The following KCNH2 variants were observed in gnomAD, a reference collection of about 807,000 sequenced individuals.
KCNH2 encodes the protein voltage-gated inwardly rectifying potassium channel KCNH2.
In KCNH2, 35 loss-of-function variants were observed where a neutral mutation model predicts 95.9. The ratio of observed to expected loss-of-function variants is 0.37; its 90% CI spans 0.28 to 0.48. The LOEUF is 0.48. Ranked by LOEUF, KCNH2 falls within the 20% of genes least tolerant of loss-of-function variation. The pLI, the probability that KCNH2 is intolerant of heterozygous loss-of-function variation, is 0.99. For synonymous variants in KCNH2, 786 were observed against 754.7 expected, an observed-to-expected ratio of 1.04 and a Z score of -0.68; for missense variants, 1,274 against 1,702.9, an observed-to-expected ratio of 0.75 and a Z score of 4.43.
At position 150,946,861 on chromosome 7, in the gene KCNH2, C is replaced by A; in HGVS notation, c.3330+16G>T. 6.3e-7 allele frequency: 1 copy of A among 1,592,834 alleles called. No individual in the cohort carries two copies. The highest frequency in any genetic ancestry group is 8.6e-7 in the Non-Finnish European group (1 of 1,166,300). On this transcript the variant is annotated intron_variant, in intron 14 of 14. Transcript: ENST00000262186. This position sits in a 1 kb window ranked among gnomAD's most constrained non-coding sequence, Gnocchi z 6.5. ...AGCGGGTCACGGTACATCGAGGAAG[C>A]AGGGCTGGAGCTTACCTGAGAAAGC...
intron 11 of KCNH2, 52 bp downstream of exon 11, chr7:150,948,392 C>A: frequency 7.0e-7 from 1 of 1,435,450 alleles, no homozygotes; most frequent in South Asian, 1.2e-5. Context: ...CCTTCCAGCT[C>A]CCAGCCTCAC....
chr7:150,951,875 A>C, intron 6 of KCNH2, 40 bp from the exon 7 acceptor site: 7 of 1,504,710 alleles, frequency 4.7e-6, no homozygotes, highest in Non-Finnish European at 6.3e-6. Context: ...TGATGGGGCA[A>C]GGGGGGCAAG....
At chr7:150,948,039 G>A (rs41313077) in intron 11 of KCNH2, among the ~76,000 whole-genome samples, 161 bp from the exon 12 acceptor site, 2 of 152,180 alleles carry the variant, frequency 1.3e-5, no homozygotes, top group African/African-American at 2.4e-5. Flanking sequence ...CTGTCAAGCC[G>A]ACCAAGAACT....
chr7:150,972,677 G>A (rs1302065660), intron 2 of KCNH2, among the ~76,000 whole-genome samples: 2 of 152,202 alleles, frequency 1.3e-5, no homozygotes, highest in Non-Finnish European at 2.9e-5. Context: ...CTGGAGAGGG[G>A]ACAAGTTTGA....
chr7:150,947,862 C>G lies in KCNH2; in HGVS notation c.2709G>C (p.Gly903=). Residue 903 remains glycine (G), a synonymous_variant, in exon 12 of 15, where the codon GGG becomes GGC. Transcript: ENST00000262186. ...GGCCCGGCCCCAAGGCCGACACCTCCCCTGGCTGCTCCGTGTCTGTGGGAA... is the reference window on the plus strand; with the variant it reads ...GGCCCGGCCCCAAGGCCGACACCTCGCCTGGCTGCTCCGTGTCTGTGGGAA... ...RRTDKDTEQP[G]EVSALGPGRA... 1.3e-6 allele frequency: 2 copies of G among 1,530,094 alleles called. No homozygotes were observed. The highest frequency in any genetic ancestry group is 1.7e-6 in the Non-Finnish European group (2 of 1,144,442). The allele number at this position is 1,530,094 out of a possible 1,614,324, so 94.8% of individuals were successfully genotyped here.
At chr7:150,965,192 C>A (rs1372058450) in intron 2 of KCNH2, among the ~76,000 whole-genome samples, 1 of 152,070 alleles carries the variant, frequency 6.6e-6, no homozygotes, top group Non-Finnish European at 1.5e-5. Flanking sequence ...GCAGCATCTC[C>A]AGACAGACTC....
chr7:150,958,838 A>G lies in KCNH2; in HGVS notation c.473-336T>C, dbSNP rs114808986. Among the ~76,000 whole-genome samples the G allele has an allele frequency of 2.0e-3, 309 of 152,346 alleles. 2 individuals carry two copies. The highest frequency in any genetic ancestry group is 7.1e-3 in the African/African-American group (297 of 41,588). Reference sequence around the variant, plus strand: ...GTCACTCTCTGGAGGTCACACAGCCAGTGCGTGGGGCCTGCGCCTAAGTGG... The same window carrying G: ...GTCACTCTCTGGAGGTCACACAGCCGGTGCGTGGGGCCTGCGCCTAAGTGG... On this transcript the variant is annotated intron_variant, in intron 3 of 14. Transcript: ENST00000262186.
chr7:150,948,816 A>C, intron 10 of KCNH2, 40 bp downstream of exon 10: 1 of 1,580,252 alleles, frequency 6.3e-7, no homozygotes, highest in Non-Finnish European at 8.7e-7. Flanking sequence ...ACACAGCTGG[A>C]AGCAGGAGGA....
Position 150,957,512 on chromosome 7 carries a change from GAGGC to G in KCNH2, c.917-14_917-11del. Reference sequence around the variant, plus strand: ...AGTGGGTGCATGGCCCCTAGGTGGAGAGGCAGCGTGGTCAGGCCAGCAGCCCAGG... The same window carrying G: ...AGTGGGTGCATGGCCCCTAGGTGGAGAGCGTGGTCAGGCCAGCAGCCCAGG... On this transcript the variant is annotated splice_polypyrimidine_tract_variant and intron_variant, in intron 4 of 14. Coordinates refer to ENST00000262186, the MANE Select transcript of KCNH2 (RefSeq NM_000238.4). 6.3e-7 allele frequency: 1 copy of G among 1,592,584 alleles called. No homozygotes were observed. Among genetic ancestry groups the G allele is most frequent in the Non-Finnish European group, 8.5e-7 (1 of 1,173,972 alleles).
rs777629363 is a variant in KCNH2, at chr7:150,961,875, C to T, written c.308-2139G>A. On this transcript the variant is annotated intron_variant, in intron 2 of 14. Coordinates refer to ENST00000262186, the MANE Select transcript of KCNH2 (RefSeq NM_000238.4). The surrounding 1 kb of genome is among the most constrained non-coding windows in gnomAD (Gnocchi z 6.2). Reference sequence around the variant, plus strand: ...CTGGCCAGGCTCGGGGATTCTAACCCGCTGGGGATTCATCTAGGGGAACGA... The same window carrying T: ...CTGGCCAGGCTCGGGGATTCTAACCTGCTGGGGATTCATCTAGGGGAACGA... 1.1e-4 allele frequency among the ~76,000 whole-genome samples: 16 copies of T among 152,296 alleles called. No individual in the cohort carries two copies. The highest frequency in any genetic ancestry group is 1.5e-4 in the Non-Finnish European group (10 of 68,018).
chr7:150,958,988 G>A (rs1202031940), intron 3 of KCNH2, among the ~76,000 whole-genome samples: 2 of 152,248 alleles, frequency 1.3e-5, no homozygotes, highest in African/African-American at 4.8e-5. Flanking sequence ...TCATGATGCT[G>A]AGGGAAAGAT....
At chr7:150,959,476 C>A (rs1801491376) in intron 3 of KCNH2, 96 bp downstream of exon 3, 1 of 1,445,410 alleles carries the variant, frequency 6.9e-7, no homozygotes, top group Non-Finnish European at 9.5e-7. Flanking sequence ...ACCATTACAT[C>A]CTCCCTTCCT....
In KCNH2 at chr7:150,961,736, C is replaced by T. The variant is rs1801572163; in HGVS notation, c.308-2000G>A. 2.0e-5 allele frequency among the ~76,000 whole-genome samples: 3 copies of T among 152,170 alleles called. No individual in the cohort carries two copies. Among genetic ancestry groups the T allele is most frequent in the Admixed American group, 1.3e-4 (2 of 15,276 alleles). On this transcript the variant is annotated intron_variant, in intron 2 of 14. Transcript: ENST00000262186. The surrounding 1 kb of genome is among the most constrained non-coding windows in gnomAD (Gnocchi z 6.2). Reference sequence around the variant, plus strand: ...ACAGACACCGGCAACCTGGAGGCGACGCCACCCCTGGGACTTGGAGCTGGT... The same window carrying T: ...ACAGACACCGGCAACCTGGAGGCGATGCCACCCCTGGGACTTGGAGCTGGT...
Position 150,952,681 on chromosome 7 carries a change from T to C in KCNH2, c.1301A>G (p.Lys434Arg). The change falls in exon 6 of 15, where the codon AAG becomes AGG. Residue 434 changes from lysine (K) to arginine (R), a missense_variant. Physicochemically the swap from Lys to Arg is conservative, Grantham distance 26. Transcript: ENST00000262186. This position sits in a 1 kb window ranked among gnomAD's most constrained non-coding sequence, Gnocchi z 7.3. Reference protein sequence around the residue: ...FTPYSAAFLLKETEEGPPATE... With the variant: ...FTPYSAAFLLRETEEGPPATE... ...AGCAGGCGGGCCTTCTTCCGTCTCCTTCAGCAGGAAGGCAGCCGAGTAGGG... is the reference window on the plus strand; with the variant it reads ...AGCAGGCGGGCCTTCTTCCGTCTCCCTCAGCAGGAAGGCAGCCGAGTAGGG... 1 of 1,614,168 alleles carries C rather than the reference T, an allele frequency of 6.2e-7. No individual in the cohort carries two copies. Among genetic ancestry groups the C allele is most frequent in the Non-Finnish European group, 8.5e-7 (1 of 1,180,024 alleles).
intron 2 of KCNH2, among the ~76,000 whole-genome samples, chr7:150,963,563 C>T (rs1801623751): frequency 6.6e-6 from 1 of 152,098 alleles, no homozygotes; most frequent in East Asian, 1.9e-4. Flanking sequence ...AACACTCTGC[C>T]CTGGCCCCAT....
intron 5 of KCNH2, among the ~76,000 whole-genome samples, chr7:150,956,362 G>A (rs945597701): frequency 2.6e-5 from 4 of 152,192 alleles, no homozygotes; most frequent in Admixed American, 6.5e-5. Flanking sequence ...GGAGCCCGCC[G>A]AGGTAGCAGG....
At chr7:150,957,538 C>A (rs1222600860) in intron 4 of KCNH2, 36 bp from the exon 5 acceptor site, 1 of 1,530,376 alleles carries the variant, frequency 6.5e-7, no homozygotes, top group Non-Finnish European at 9.0e-7. Context: ...GCCAGCAGCC[C>A]AGGGCCCCAG....
Position 150,951,061 on chromosome 7 carries a change from C to G in KCNH2, c.2005G>C (p.Gly669Arg), listed in dbSNP as rs1286224531. The change falls in exon 8 of 15, where the codon GGC (glycine) becomes CGC (arginine). Residue 669 changes from glycine to arginine, a missense_variant. By Grantham distance (125) the Gly-to-Arg change is moderately radical. Transcript: ENST00000262186. ...VSAIIQRLYSGTARYHTQMLR... is the reference protein window; with the variant it reads ...VSAIIQRLYSRTARYHTQMLR... ...ATCTGTGTGTGGTAGCGGGCTGTGCCCGAGTACAGCCGCTGGATGATGGCC... is the reference window on the plus strand; with the variant it reads ...ATCTGTGTGTGGTAGCGGGCTGTGCGCGAGTACAGCCGCTGGATGATGGCC... The G allele has an allele frequency of 6.2e-7, 1 of 1,613,930 alleles. No homozygotes were observed. Among genetic ancestry groups the G allele is most frequent in the African/African-American group, 1.3e-5 (1 of 75,058 alleles).
Position 150,948,920 on chromosome 7 carries a change from T to C in KCNH2, c.2528A>G (p.Asp843Gly). The C allele has an allele frequency of 6.2e-7, 1 of 1,614,186 alleles. No homozygotes were observed. Among genetic ancestry groups the C allele is most frequent in the East Asian group, 2.2e-5 (1 of 44,884 alleles). Residue 843 changes from aspartate (D) to glycine (G), a missense_variant, in exon 10 of 15, where the codon GAC (aspartate) becomes GGC (glycine). Transcript: ENST00000262186. Reference protein sequence around the residue: ...IHRDDLLEVLDMYPEFSDHFW... With the variant: ...IHRDDLLEVLGMYPEFSDHFW... ...GTGGTCGGAGAACTCAGGGTACATG[T>C]CCAGCACCTCCAGCAGGTCGTCCCG...
Sources: gnomAD v4.1 joint callset for allele counts (sites outside exome capture counted in the v4.1 genomes callset) on GRCh38, gnomAD v4.1.1 for gene constraint, Gnocchi (gnomAD v3.1) non-coding constraint, MANE v1.5 for transcripts, NCBI Gene and HGNC (gene_info 2026-07-23, HGNC 2026-07-21) for gene names.